The following ATG10 variants were observed in gnomAD, a reference collection of about 807,000 sequenced individuals.
The protein encoded by ATG10 is autophagy related 10.
In ATG10, 30 loss-of-function variants were observed where a neutral mutation model predicts 32.1. That is an observed-to-expected ratio of 0.94 (90% CI 0.70 to 1.27). ATG10 has a LOEUF of 1.27. Among genes scored for constraint, ATG10 ranks in the 50% most tolerant of loss-of-function variants. The pLI is 0.00. For synonymous variants in ATG10, 87 were observed against 91.5 expected (o/e 0.95, Z 0.28); for missense variants, 233 against 262.3 (o/e 0.89, Z 0.77).
At chr5:82,036,198 A>G (rs1366932871) in intron 2 of ATG10, among the ~76,000 whole-genome samples, 1 of 152,102 alleles carries the variant, frequency 6.6e-6, no homozygotes, top group Non-Finnish European at 1.5e-5. Flanking sequence ...CAAATCCCCA[A>G]TTTATCATAT....
chr5:82,189,706 C>T (rs932167237), intron 5 of ATG10, among the ~76,000 whole-genome samples: 1 of 152,204 alleles, frequency 6.6e-6, no homozygotes, highest in East Asian at 1.9e-4. Flanking sequence ...TGACTGTAAC[C>T]TCCGCCTTCT....
At chr5:82,077,973 G>C (rs972387167) in intron 3 of ATG10, among the ~76,000 whole-genome samples, 3 of 152,132 alleles carry the variant, frequency 2.0e-5, no homozygotes, top group African/African-American at 7.2e-5. Flanking sequence ...TAGGGAGTAA[G>C]GTCTTAGTGC....
At chr5:82,055,742 C>T (rs1763572597) in intron 2 of ATG10, among the ~76,000 whole-genome samples, 1 of 152,096 alleles carries the variant, frequency 6.6e-6, no homozygotes, top group African/African-American at 2.4e-5. Flanking sequence ...ATAGTTTTAC[C>T]GTATAGTCAT....
intron 3 of ATG10, among the ~76,000 whole-genome samples, chr5:82,143,669 T>C (rs1767235654): frequency 6.6e-6 from 1 of 152,218 alleles, no homozygotes; most frequent in African/African-American, 2.4e-5. Flanking sequence ...CAAAGACAGA[T>C]TGGAGACAAG....
intron 2 of ATG10, among the ~76,000 whole-genome samples, chr5:81,996,398 C>T (rs1761666301): frequency 6.6e-6 from 1 of 152,156 alleles, no homozygotes; most frequent in South Asian, 2.1e-4. Flanking sequence ...ACCACCACAC[C>T]TGGCTATTTT....
intron 3 of ATG10, among the ~76,000 whole-genome samples, chr5:82,153,910 AT>A (rs11346832): frequency 0.95 from 124,274 of 130,150 alleles, 59,278 homozygotes; most frequent in East Asian, 0.98. Context: ...CCTGCTGCCT[AT>A]TTTTTTTTTT....
At chr5:82,034,419 C>A (rs369612318) in intron 2 of ATG10, among the ~76,000 whole-genome samples, 2 of 152,196 alleles carry the variant, frequency 1.3e-5, no homozygotes, top group African/African-American at 4.8e-5. Context: ...ACCACCTTAG[C>A]GCAGGCTGTC....
At chr5:82,242,139 A>G (rs903743192) in intron 5 of ATG10, among the ~76,000 whole-genome samples, 6 of 152,192 alleles carry the variant, frequency 3.9e-5, no homozygotes, top group Non-Finnish European at 8.8e-5. Context: ...TATATTGAAC[A>G]TATTTTTAAA....
chr5:82,175,884 C>A (rs918031343), intron 4 of ATG10, among the ~76,000 whole-genome samples: 1 of 133,626 alleles, frequency 7.5e-6, no homozygotes, highest in African/African-American at 2.5e-5. Context: ...CACACACACA[C>A]ACGCACACAC....
intron 5 of ATG10, among the ~76,000 whole-genome samples, chr5:82,194,520 T>C (rs1561350655): frequency 6.6e-6 from 1 of 152,276 alleles, no homozygotes; most frequent in East Asian, 1.9e-4. Flanking sequence ...ATCGGGAATA[T>C]GTAAGTCCAT....
chr5:81,982,992 T>C (rs979903180), intron 1 of ATG10, among the ~76,000 whole-genome samples: 1 of 152,236 alleles, frequency 6.6e-6, no homozygotes, highest in African/African-American at 2.4e-5. Flanking sequence ...TTTCTCAGTC[T>C]TTTCCCCACC....
chr5:82,166,346 C>T (rs1044449371), intron 4 of ATG10, among the ~76,000 whole-genome samples: 1 of 152,134 alleles, frequency 6.6e-6, no homozygotes, highest in Admixed American at 6.6e-5. Context: ...ACCACCACTG[C>T]TTTGTGTTGT....
At chr5:82,009,905 C>G (rs1762082613) in intron 2 of ATG10, 1 of 1,610,638 alleles carries the variant, frequency 6.2e-7, no homozygotes, top group African/African-American at 1.3e-5. Flanking sequence ...AGTCACCACC[C>G]TGACACATAA....
At position 82,097,430 on chromosome 5, in the gene ATG10, C is replaced by T. The variant is rs1561296888; in HGVS notation, c.216+38828C>T. The stretch of plus-strand genomic sequence containing the variant: ...AAACATCTAGGACCATCTTAAATTA[C>T]AACACAGTATTTACTCAAAGAAGTC... On this transcript the variant is annotated intron_variant, in intron 3 of 7. Transcript: ENST00000282185. Among the ~76,000 whole-genome samples, 3 of 152,210 alleles carry T rather than the reference C, an allele frequency of 2.0e-5. No individual in the cohort carries two copies. The South Asian group carries it at 6.2e-4, about 32-fold the overall frequency.
At chr5:82,228,545 T>A (rs960012971) in intron 5 of ATG10, among the ~76,000 whole-genome samples, 1 of 152,204 alleles carries the variant, frequency 6.6e-6, no homozygotes, top group Admixed American at 6.5e-5. Context: ...AATAGAGATA[T>A]GAATTCAAGG....
Position 82,102,847 on chromosome 5 carries a change from T to A in ATG10, c.216+44245T>A, listed in dbSNP as rs73134754. ...CCTAGCTGGTTAATCCTCCTCTTCA[T>A]TGGCATCCAAGCCTCATTTTCACCC... On this transcript the variant is annotated intron_variant, in intron 3 of 7. Transcript: ENST00000282185. 6.4e-3 allele frequency among the ~76,000 whole-genome samples: 859 copies of A among 133,952 alleles called. 14 individuals are homozygous for A. The highest frequency in any genetic ancestry group is 0.024 in the African/African-American group (803 of 33,654). 87.9% of individuals were successfully genotyped at this position (133,952 alleles called of 152,430 possible).
At chr5:82,074,079 A>G (rs774509281) in intron 3 of ATG10, among the ~76,000 whole-genome samples, 2 of 152,226 alleles carry the variant, frequency 1.3e-5, no homozygotes, top group Non-Finnish European at 2.9e-5. Context: ...AGGATGATTT[A>G]TAGTGTTTAT....
chr5:82,102,235 C>T (rs1420156182), intron 3 of ATG10, among the ~76,000 whole-genome samples: 1 of 152,058 alleles, frequency 6.6e-6, no homozygotes, highest in Non-Finnish European at 1.5e-5. Context: ...TGAGGTGTTT[C>T]AATTATATAT....
At chr5:82,193,931 G>A (rs1027258258) in intron 5 of ATG10, among the ~76,000 whole-genome samples, 9 of 152,284 alleles carry the variant, frequency 5.9e-5, no homozygotes, top group Middle Eastern at 3.4e-3. Flanking sequence ...GAATTAAGTC[G>A]TAACTTTACA....
Sources: allele counts gnomAD v4.1 joint callset (sites outside exome capture counted in the v4.1 genomes callset), GRCh38; gene constraint gnomAD v4.1.1; transcripts MANE v1.5; gene names NCBI Gene and HGNC (gene_info 2026-07-23, HGNC 2026-07-21).